Variants in ABCC4 observed in about 807,000 individuals in gnomAD.
ABCC4 encodes ATP binding cassette subfamily C member 4 (PEL blood group).
ABCC4 carries 102 observed loss-of-function variants against 168.5 expected under a neutral mutation model. That is an observed-to-expected ratio of 0.61 (90% CI 0.52 to 0.71). The LOEUF (loss-of-function observed/expected upper bound fraction) is 0.71, where lower values mean the gene tolerates loss of function less well. Ranked by LOEUF, ABCC4 falls within the 30% of genes least tolerant of loss-of-function variation. ABCC4 has a pLI of 0.00. For missense variants in ABCC4, 1,402 were observed against 1,605.8 expected, an observed-to-expected ratio of 0.87 and a Z score of 2.17; for synonymous variants, 617 against 590.7, an observed-to-expected ratio of 1.04 and a Z score of -0.65.
chr13:95,207,765 T>C (rs376653824), intron 7 of ABCC4, 35 bp downstream of exon 7: 8 of 1,586,504 alleles, frequency 5.0e-6, no homozygotes, highest in Non-Finnish European at 6.0e-6. Flanking sequence ...AATAGAAAAA[T>C]ACAAAAATAT....
intron 1 of ABCC4, among the ~76,000 whole-genome samples, chr13:95,277,449 CG>C (rs1423102012): frequency 1.3e-5 from 2 of 151,932 alleles, no homozygotes; most frequent in Middle Eastern, 6.3e-3. Context: ...GGCATGGTGG[CG>C]GGCGCCTGTA....
chr13:95,150,748 G>A (rs183467968), intron 19 of ABCC4, among the ~76,000 whole-genome samples: 3 of 152,172 alleles, frequency 2.0e-5, no homozygotes, highest in African/African-American at 7.2e-5. Flanking sequence ...ACTTGTAAAG[G>A]GCAACACTGG....
At chr13:95,062,678 A>G in intron 26 of ABCC4, 26 bp downstream of exon 26, 2 of 1,588,688 alleles carry the variant, frequency 1.3e-6, no homozygotes, top group Non-Finnish European at 1.7e-6. Flanking sequence ...TAAAAGGGGC[A>G]GGTAAGGACG....
chr13:95,131,071 G>A (rs2035941993), intron 19 of ABCC4, among the ~76,000 whole-genome samples: 1 of 152,070 alleles, frequency 6.6e-6, no homozygotes, highest in Non-Finnish European at 1.5e-5. Context: ...TATCTAAACT[G>A]CCAGCATGTA....
At chr13:95,293,979 A>T (rs1209928332) in intron 1 of ABCC4, among the ~76,000 whole-genome samples, 3 of 151,948 alleles carry the variant, frequency 2.0e-5, no homozygotes, top group Admixed American at 2.0e-4. Flanking sequence ...GTGCAAATCC[A>T]TTACAATAAA....
chr13:95,091,250 C>T (rs1249518311), intron 20 of ABCC4, among the ~76,000 whole-genome samples: 2 of 152,170 alleles, frequency 1.3e-5, no homozygotes, highest in African/African-American at 2.4e-5. Context: ...AAAACTTCTT[C>T]AGCCTTGCTA....
At chr13:95,029,195 TATATATATATATATATATAGAG>T (rs1193851999) in intron 30 of ABCC4, among the ~76,000 whole-genome samples, 44 of 79,200 alleles carry the variant, frequency 5.6e-4, no homozygotes, top group African/African-American at 2.3e-3. Flanking sequence ...TATATATATA[TATATATATATATATATATAGAG>T]AGAGAGAGAG....
At chr13:95,286,002 C>T (rs7328426) in intron 1 of ABCC4, among the ~76,000 whole-genome samples, 9,591 of 151,968 alleles carry the variant, frequency 0.063, 476 homozygotes, top group African/African-American at 0.14. Context: ...TAACTGAGGA[C>T]GCAAGCCTTA....
At chr13:95,104,287 G>A (rs7317264) in intron 20 of ABCC4, among the ~76,000 whole-genome samples, 4 of 152,038 alleles carry the variant, frequency 2.6e-5, no homozygotes, top group Non-Finnish European at 4.4e-5. Context: ...CTAATTTTTG[G>A]GTTTTTAGTA....
intron 11 of ABCC4, 27 bp from the exon 12 acceptor site, chr13:95,178,118 GA>G (rs1244337786): frequency 3.1e-6 from 5 of 1,591,294 alleles, no homozygotes; most frequent in Non-Finnish European, 4.3e-6. Context: ...AAGAAGGGGG[GA>G]AAAAGAGACT....
chr13:95,185,999 A>G (rs1043668474), intron 11 of ABCC4, among the ~76,000 whole-genome samples: 4 of 152,014 alleles, frequency 2.6e-5, no homozygotes, highest in African/African-American at 9.7e-5. Context: ...GGAGTGGAGA[A>G]GGAAACCTGT....
chr13:95,071,456 C>T (rs2033720578), intron 25 of ABCC4, among the ~76,000 whole-genome samples: 1 of 152,180 alleles, frequency 6.6e-6, no homozygotes, highest in African/African-American at 2.4e-5. Flanking sequence ...TCACGTTAAG[C>T]TCCAGCCCTG....
intron 4 of ABCC4, among the ~76,000 whole-genome samples, chr13:95,217,635 G>A (rs1304451221): frequency 6.6e-6 from 1 of 152,142 alleles, no homozygotes. Flanking sequence ...TGGGGAGGCT[G>A]AGGCAGGAGA....
intron 19 of ABCC4, among the ~76,000 whole-genome samples, chr13:95,143,002 A>C (rs1401719625): frequency 6.6e-6 from 1 of 152,184 alleles, no homozygotes; most frequent in Non-Finnish European, 1.5e-5. Flanking sequence ...GTAGCTAAAA[A>C]GTGGGCCATG....
intron 1 of ABCC4, among the ~76,000 whole-genome samples, chr13:95,291,278 CTGGGAAGTCAAGGCTCCAATA>C (rs1200118628): frequency 6.6e-6 from 1 of 151,800 alleles, no homozygotes; most frequent in Non-Finnish European, 1.5e-5. Context: ...TCACTTGAGC[CTGGGAAGTCAAGGCTCCAATA>C]AGCTATGAAT....
intron 1 of ABCC4, among the ~76,000 whole-genome samples, chr13:95,298,475 G>C (rs1056295962): frequency 6.6e-5 from 10 of 152,068 alleles, no homozygotes; most frequent in Non-Finnish European, 1.2e-4. Context: ...CAGTTTTACT[G>C]AATCAGTCCA....
intron 13 of ABCC4, among the ~76,000 whole-genome samples, chr13:95,174,407 C>A (rs149964205): frequency 3.3e-5 from 5 of 152,218 alleles, no homozygotes; most frequent in South Asian, 2.1e-4. Flanking sequence ...AATTTTCTAA[C>A]TCGTTGAGAA....
intron 30 of ABCC4, among the ~76,000 whole-genome samples, chr13:95,026,735 A>G (rs9590163): frequency 0.011 from 1,695 of 152,170 alleles, 38 homozygotes; most frequent in African/African-American, 0.038. Flanking sequence ...TGGGGGGAAA[A>G]AAAATTAGCC....
intron 11 of ABCC4, among the ~76,000 whole-genome samples, chr13:95,178,859 T>C (rs1451186384): frequency 1.3e-5 from 2 of 152,114 alleles, no homozygotes; most frequent in Admixed American, 6.5e-5. Flanking sequence ...TGAACATCAG[T>C]GGTCATGTGC....
Sources: allele counts gnomAD v4.1 joint callset (sites outside exome capture counted in the v4.1 genomes callset), GRCh38; gene constraint gnomAD v4.1.1; transcripts MANE v1.5; gene names NCBI Gene and HGNC (gene_info 2026-07-23, HGNC 2026-07-21).